The following AGPAT4 variants were observed in gnomAD, a reference collection of about 807,000 sequenced individuals.
AGPAT4 encodes the protein 1-acyl-sn-glycerol-3-phosphate acyltransferase delta.
A neutral mutation model predicts 48.0 loss-of-function variants in AGPAT4; 15 were observed. That is an observed-to-expected ratio of 0.31 (90% CI 0.21 to 0.48). The LOEUF is 0.48. Among genes scored for constraint, AGPAT4 ranks in the 20% least tolerant of loss-of-function variants. The pLI is 0.99. For synonymous variants in AGPAT4, 178 were observed against 198.7 expected (o/e 0.90, Z 0.88); for missense variants, 314 against 482.5 (o/e 0.65, Z 3.27).
chr6:161,160,456 ACT>A (rs771953900), intron 3 of AGPAT4: 1 of 156,374 alleles, frequency 6.4e-6, no homozygotes, highest in African/African-American at 2.4e-5. Flanking sequence ...AAATGAAAGC[ACT>A]CTCTAAGAAT....
At chr6:161,268,198 T>C (rs1783319681) in intron 1 of AGPAT4, among the ~76,000 whole-genome samples, 2 of 152,222 alleles carry the variant, frequency 1.3e-5, no homozygotes. Context: ...TACTGGCACA[T>C]AGGAGGCCCT....
At position 161,232,323 on chromosome 6, in the gene AGPAT4, A is replaced by G. The variant is rs1782144859; in HGVS notation, c.-89-21T>C. 5 of 1,074,154 alleles carry G rather than the reference A, an allele frequency of 4.7e-6. No homozygotes were observed. The highest frequency in any genetic ancestry group is 6.5e-6 in the Non-Finnish European group (5 of 768,688). 66.5% of individuals were successfully genotyped at this position (1,074,154 alleles called of 1,614,324 possible). A position where few individuals can be genotyped will look rare whatever the true frequency, so the allele number is the denominator to read the frequency against. On this transcript the variant is annotated intron_variant, in intron 1 of 8. Coordinates refer to ENST00000320285, the MANE Select transcript of AGPAT4 (RefSeq NM_020133.3). The surrounding 1 kb of genome is among the most constrained non-coding windows in gnomAD (Gnocchi z 6.8). Reference sequence around the variant, plus strand: ...GGCGTCTAAAACACAAACAAATAGGAAATGTTAGCAAAAACACGATGTGCT... The same window carrying G: ...GGCGTCTAAAACACAAACAAATAGGGAATGTTAGCAAAAACACGATGTGCT...
intron 2 of AGPAT4, among the ~76,000 whole-genome samples, chr6:161,199,106 C>CAA (rs59535516): frequency 1.5e-4 from 20 of 135,320 alleles, no homozygotes; most frequent in Non-Finnish European, 1.9e-4. Flanking sequence ...AGAGGAATTA[C>CAA]AAAAAAAAAA....
rs889739989 is a variant in AGPAT4, at chr6:161,206,070, T to G, written c.178+25966A>C. Among the ~76,000 whole-genome samples, 2 of 151,984 alleles carry G rather than the reference T, an allele frequency of 1.3e-5. No individual in the cohort carries two copies. The highest frequency in any genetic ancestry group is 4.8e-5 in the African/African-American group (2 of 41,352). ...TATGTTTTTTCAAGCCCGTGCGATGTAGACAAAAAAAGCCCCAAGAAAAGC... is the reference window on the plus strand; with the variant it reads ...TATGTTTTTTCAAGCCCGTGCGATGGAGACAAAAAAAGCCCCAAGAAAAGC... On this transcript the variant is annotated intron_variant, in intron 2 of 8. Transcript: ENST00000320285. The surrounding 1 kb of genome is among the most constrained non-coding windows in gnomAD (Gnocchi z 4.8).
At chr6:161,172,082 A>G (rs1780281722) in intron 2 of AGPAT4, among the ~76,000 whole-genome samples, 2 of 152,234 alleles carry the variant, frequency 1.3e-5, no homozygotes, top group African/African-American at 4.8e-5. Flanking sequence ...GCCATTTGGT[A>G]GTTAATTGAA....
At chr6:161,185,323 C>A (rs1780738877) in intron 2 of AGPAT4, among the ~76,000 whole-genome samples, 1 of 136,168 alleles carries the variant, frequency 7.3e-6, no homozygotes, top group East Asian at 2.3e-4. Context: ...CAGGGTCTCA[C>A]TCCGTCACCC....
intron 1 of AGPAT4, 66 bp downstream of exon 1, chr6:161,273,872 G>C (rs960334138): frequency 6.7e-6 from 1 of 150,016 alleles, no homozygotes; most frequent in Non-Finnish European, 1.5e-5. Flanking sequence ...ATGCTGGGAA[G>C]AGGAATGCAA....
rs12205125 is a variant in AGPAT4, at chr6:161,262,268, T to G, written c.-90+11670A>C. Among the ~76,000 whole-genome samples the G allele has an allele frequency of 0.017, 2,626 of 152,268 alleles. 29 individuals carry two copies. Among genetic ancestry groups the G allele is most frequent in the Non-Finnish European group, 0.027 (1,844 of 68,008 alleles). On this transcript the variant is annotated intron_variant, in intron 1 of 8. Transcript: ENST00000320285. The surrounding 1 kb of genome is among the most constrained non-coding windows in gnomAD (Gnocchi z 4.9). ...GGGGCCCAGGAAGTCCTTTTTAAAA[T>G]GCTTCCTAGGTGATCCTCATGTGCA...
intron 2 of AGPAT4, among the ~76,000 whole-genome samples, chr6:161,175,620 TTG>T (rs1183451185): frequency 6.6e-6 from 1 of 152,198 alleles, no homozygotes; most frequent in East Asian, 1.9e-4. Flanking sequence ...TAAGGGTTTT[TTG>T]TGTCTCTATC....
intron 1 of AGPAT4, among the ~76,000 whole-genome samples, chr6:161,237,156 A>G (rs1249774998): frequency 6.6e-6 from 1 of 152,242 alleles, no homozygotes; most frequent in African/African-American, 2.4e-5. Context: ...CGTTTAAAAC[A>G]TAGACAAAAA....
chr6:161,153,230 T>A (rs1353032966), intron 5 of AGPAT4, 116 bp downstream of exon 5: 2 of 1,388,370 alleles, frequency 1.4e-6, no homozygotes, highest in Admixed American at 2.1e-5. Flanking sequence ...CACTCTGAGC[T>A]CCTAGCCTCA....
chr6:161,235,805 G>C lies in AGPAT4; in HGVS notation c.-89-3503C>G, dbSNP rs1048397924. ...CATTATACGGTACCAAGGGGGTACA[G>C]TGCTAAACCATTCATGAGAACTCCG... On this transcript the variant is annotated intron_variant, in intron 1 of 8. Coordinates refer to ENST00000320285, the MANE Select transcript of AGPAT4 (RefSeq NM_020133.3). This position sits in a 1 kb window ranked among gnomAD's most constrained non-coding sequence, Gnocchi z 6.2. Among the ~76,000 whole-genome samples the C allele has an allele frequency of 2.6e-5, 4 of 152,192 alleles. No individual in the cohort carries two copies. The highest frequency in any genetic ancestry group is 9.7e-5 in the African/African-American group (4 of 41,450).
rs1168115875 is a variant in AGPAT4, at chr6:161,240,551, A to C, written c.-89-8249T>G. 6.6e-6 allele frequency among the ~76,000 whole-genome samples: 1 copy of C among 152,214 alleles called. No homozygotes were observed. Among genetic ancestry groups the C allele is most frequent in the Non-Finnish European group, 1.5e-5 (1 of 68,044 alleles). ...ATAAAAGAAAATAAAAACTTCAGGGACTGGCAAAGAGAGCAGCACAGCTAA... is the reference window on the plus strand; with the variant it reads ...ATAAAAGAAAATAAAAACTTCAGGGCCTGGCAAAGAGAGCAGCACAGCTAA... On this transcript the variant is annotated intron_variant, in intron 1 of 8. Coordinates refer to ENST00000320285, the MANE Select transcript of AGPAT4 (RefSeq NM_020133.3). This position sits in a 1 kb window ranked among gnomAD's most constrained non-coding sequence, Gnocchi z 5.5.
intron 2 of AGPAT4, among the ~76,000 whole-genome samples, chr6:161,170,469 GCGCGCACACACA>G (rs1440553046): frequency 0.046 from 5,643 of 121,540 alleles, 119 homozygotes; most frequent in Middle Eastern, 0.14. Flanking sequence ...ACACGTGCGC[GCGCGCACACACA>G]CACACACACA....
chr6:161,250,669 C>T, intron 1 of AGPAT4, among the ~76,000 whole-genome samples: 1 of 151,990 alleles, frequency 6.6e-6, no homozygotes, highest in East Asian at 1.9e-4. Flanking sequence ...TTTTAAGGTA[C>T]CTAGTGAATA....
chr6:161,265,102 G>T (rs1173469985), intron 1 of AGPAT4, among the ~76,000 whole-genome samples: 3 of 152,026 alleles, frequency 2.0e-5, no homozygotes, highest in African/African-American at 7.3e-5. Context: ...GCTGGACTGG[G>T]TGGTGGATTA....
At position 161,197,278 on chromosome 6, in the gene AGPAT4, G is replaced by A. The variant is rs1781096048; in HGVS notation, c.179-30861C>T. Among the ~76,000 whole-genome samples the A allele has an allele frequency of 6.6e-6, 1 of 152,180 alleles. No individual in the cohort carries two copies. Among genetic ancestry groups the A allele is most frequent in the Non-Finnish European group, 1.5e-5 (1 of 68,028 alleles). ...GCCAGGGCACGTAAGCCCTGACCTT[G>A]CACTGCTAGGGACATTAAAGAACTA... On this transcript the variant is annotated intron_variant, in intron 2 of 8. Transcript: ENST00000320285. This position sits in a 1 kb window ranked among gnomAD's most constrained non-coding sequence, Gnocchi z 5.7.
At position 161,134,153 on chromosome 6, in the gene AGPAT4, G is replaced by A. The variant is rs1034616776; in HGVS notation, c.*2387C>T. On this transcript the variant is annotated 3_prime_UTR_variant, in exon 9 of 9. Transcript: ENST00000320285. ...AGAGGTCCAGATCTCTCCCCAGCAC[G>A]CCACATTCTCTTTCGGCTCTAAGGC... is the stretch of plus-strand genomic sequence containing the variant. The A allele has an allele frequency of 2.0e-5, 3 of 152,138 alleles. No individual in the cohort carries two copies. The highest frequency in any genetic ancestry group is 6.5e-5 in the Admixed American group (1 of 15,280). The allele number at this position is 152,138 out of a possible 1,614,324, so 9.4% of individuals were successfully genotyped here. A position where few individuals can be genotyped will look rare whatever the true frequency, so the allele number is the denominator to read the frequency against.
At position 161,233,366 on chromosome 6, in the gene AGPAT4, G is replaced by A. The variant is rs1232748174; in HGVS notation, c.-89-1064C>T. ...AGCGGACTCGCTTTTCCTGGAAGCA[G>A]AAGAGCCTGGCAGACTACCCCAGGA... On this transcript the variant is annotated intron_variant, in intron 1 of 8. Coordinates refer to ENST00000320285, the MANE Select transcript of AGPAT4 (RefSeq NM_020133.3). The surrounding 1 kb of genome is among the most constrained non-coding windows in gnomAD (Gnocchi z 5.4). Among the ~76,000 whole-genome samples the A allele has an allele frequency of 1.3e-5, 2 of 152,224 alleles. No homozygotes were observed. The highest frequency in any genetic ancestry group is 6.5e-5 in the Admixed American group (1 of 15,292).
Sources: gnomAD v4.1 joint callset for allele counts (sites outside exome capture counted in the v4.1 genomes callset) on GRCh38, gnomAD v4.1.1 for gene constraint, Gnocchi (gnomAD v3.1) non-coding constraint, MANE v1.5 for transcripts, NCBI Gene and HGNC (gene_info 2026-07-23, HGNC 2026-07-21) for gene names.